Variants in STAB2 observed in about 807,000 individuals in gnomAD.
STAB2 encodes stabilin 2.
In STAB2, 288 loss-of-function variants were observed where a neutral mutation model predicts 338.1. The ratio of observed to expected loss-of-function variants is 0.85; its 90% CI spans 0.77 to 0.94. The LOEUF is 0.94. Ranked by LOEUF, STAB2 falls within the 40% of genes least tolerant of loss-of-function variation. The pLI, the probability that STAB2 is intolerant of heterozygous loss-of-function variation, is 0.00. For missense variants in STAB2, 3,141 were observed against 3,210.1 expected, an observed-to-expected ratio of 0.98 and a Z score of 0.52; for synonymous variants, 1,202 against 1,193.3, an observed-to-expected ratio of 1.01 and a Z score of -0.15.
chr12:103,663,560 C>A (rs1188695423), intron 18 of STAB2, among the ~76,000 whole-genome samples: 2 of 152,044 alleles, frequency 1.3e-5, no homozygotes, highest in African/African-American at 4.8e-5. Context: ...CTTGCCCAAG[C>A]TGGTCTCAAA....
At position 103,758,221 on chromosome 12, in the gene STAB2, C is replaced by G. The variant is rs772824378; in HGVS notation, c.7039C>G (p.His2347Asp). Residue 2347 changes from histidine to aspartate, a missense_variant, in exon 64 of 69, where the codon CAC (histidine) becomes GAC (aspartate). His to Asp is a moderately conservative substitution (Grantham distance 81). Transcript: ENST00000388887. Reference protein sequence around the residue: ...SSARGRAFLEHLTDLSIRGTL... With the variant: ...SSARGRAFLEDLTDLSIRGTL... ...AGCTCGAGGCCGTGCATTTCTAGAA[C>G]ACCTGACTGACCTGTCCATCCGCGG... is the stretch of plus-strand genomic sequence containing the variant. The G allele has an allele frequency of 1.2e-6, 2 of 1,614,166 alleles. No homozygotes were observed. Among genetic ancestry groups the G allele is most frequent in the Admixed American group, 1.7e-5 (1 of 60,028 alleles).
chr12:103,695,818 A>G lies in STAB2; in HGVS notation c.3556A>G (p.Ile1186Val), dbSNP rs772496668. ...APNNNAIENY[I>V]REKKVLSLEE... ...AAACAACAATGCCATCGAGAATTACATCAGGGAGAAGAAAGTCTTGTCTCT... is the reference window on the plus strand; with the variant it reads ...AAACAACAATGCCATCGAGAATTACGTCAGGGAGAAGAAAGTCTTGTCTCT... The change falls in exon 33 of 69, where the codon ATC becomes GTC. Residue 1186 changes from isoleucine to valine, a missense_variant. Physicochemically the swap from Ile to Val is conservative, Grantham distance 29 (BLOSUM62 3). Transcript: ENST00000388887. The G allele has an allele frequency of 5.6e-6, 9 of 1,614,096 alleles. No individual in the cohort carries two copies. Among genetic ancestry groups the G allele is most frequent in the Middle Eastern group, 1.6e-4 (1 of 6,084 alleles).
intron 50 of STAB2, among the ~76,000 whole-genome samples, 164 bp downstream of exon 50, chr12:103,731,799 C>A (rs2139079940): frequency 6.6e-6 from 1 of 152,282 alleles, no homozygotes; most frequent in African/African-American, 2.4e-5. Flanking sequence ...CTCTGCCACT[C>A]CCTTCTTAGA....
chr12:103,635,018 G>A (rs1957521673), intron 6 of STAB2, among the ~76,000 whole-genome samples: 1 of 152,212 alleles, frequency 6.6e-6, no homozygotes, highest in Non-Finnish European at 1.5e-5. Context: ...TTATGGAAGG[G>A]GTGGGGGAAT....
At chr12:103,664,895 C>G (rs1423905310) in intron 18 of STAB2, among the ~76,000 whole-genome samples, 1 of 152,164 alleles carries the variant, frequency 6.6e-6, no homozygotes, top group African/African-American at 2.4e-5. Flanking sequence ...GGTCACTTTC[C>G]TAGCCAGTCC....
In STAB2 at chr12:103,761,409, T is replaced by TG. The variant is rs1566086108; in HGVS notation, c.7359+1dup. On this transcript the variant is annotated frameshift_variant and splice_region_variant, in exon 66 of 69. Coordinates refer to ENST00000388887, the MANE Select transcript of STAB2 (RefSeq NM_017564.10). LOFTEE classifies it high-confidence loss of function. ...CCTTTAAAAGCACCCCCTGCCCCCG[T>TG]GGTGAGTATCTAGGGTCCCTGATAA... 6.2e-7 allele frequency: 1 copy of TG among 1,613,120 alleles called. No homozygotes were observed. Among genetic ancestry groups the TG allele is most frequent in the Non-Finnish European group, 8.5e-7 (1 of 1,179,914 alleles).
At chr12:103,651,244 T>C (rs1018689538) in intron 11 of STAB2, among the ~76,000 whole-genome samples, 3 of 152,102 alleles carry the variant, frequency 2.0e-5, no homozygotes, top group African/African-American at 7.2e-5. Flanking sequence ...GTGTAGGAAC[T>C]GGTATTCTAT....
chr12:103,627,568 G>A (rs540720580), intron 5 of STAB2, among the ~76,000 whole-genome samples: 23 of 152,220 alleles, frequency 1.5e-4, no homozygotes, highest in African/African-American at 1.9e-4. Context: ...TGCCACTTAC[G>A]TCTCCTTCCC....
In STAB2 at chr12:103,655,531, G is replaced by T. The variant is rs758247790; in HGVS notation, c.1684G>T (p.Ala562Ser). 6.2e-7 allele frequency: 1 copy of T among 1,613,934 alleles called. No homozygotes were observed. The highest frequency in any genetic ancestry group is 1.1e-5 in the South Asian group (1 of 91,064). Residue 562 changes from alanine to serine, a missense_variant, in exon 15 of 69, where the codon GCA becomes TCA. Ala to Ser is a moderately conservative substitution (Grantham distance 99). Transcript: ENST00000388887. ...PYTIFVPNNEALNNMKDGTLD... is the reference protein window; with the variant it reads ...PYTIFVPNNESLNNMKDGTLD... ...CACCATTTTTGTTCCAAATAATGAAGCATTGAATAACATGAAGGACGGCAC... is the reference window on the plus strand; with the variant it reads ...CACCATTTTTGTTCCAAATAATGAATCATTGAATAACATGAAGGACGGCAC...
chr12:103,688,237 T>C (rs772295407), intron 28 of STAB2, 22 bp downstream of exon 28: 1 of 1,610,922 alleles, frequency 6.2e-7, no homozygotes. Context: ...TATTGGGACT[T>C]AGGATTGGGA....
At chr12:103,611,116 T>A (rs1371323845) in intron 3 of STAB2, among the ~76,000 whole-genome samples, 3 of 152,232 alleles carry the variant, frequency 2.0e-5, no homozygotes, top group African/African-American at 7.2e-5. Flanking sequence ...AACTATGTGG[T>A]CAATTTTGGA....
chr12:103,637,965 T>C (rs1957575608), intron 7 of STAB2, 51 bp from the exon 8 acceptor site: 3 of 1,569,270 alleles, frequency 1.9e-6, no homozygotes, highest in Non-Finnish European at 2.6e-6. Context: ...TCAGTTTTCC[T>C]TCTCCATCCC....
intron 45 of STAB2, 152 bp from the exon 46 acceptor site, chr12:103,725,964 C>A: frequency 1.6e-6 from 1 of 635,554 alleles, no homozygotes; most frequent in African/African-American, 1.8e-5. Flanking sequence ...TCATTCTGAA[C>A]GTTAATTGTC....
chr12:103,715,952 A>G lies in STAB2; in HGVS notation c.4611+64A>G. The stretch of plus-strand genomic sequence containing the variant: ...AGGGAACTCCTAGGTCTTTAGACAC[A>G]GGCCTGAGAGAAAGAGGCTGAGAAC... On this transcript the variant is annotated intron_variant, in intron 43 of 68. Transcript: ENST00000388887. 1.2e-5 allele frequency: 18 copies of G among 1,544,326 alleles called. No individual in the cohort carries two copies. In the South Asian group the frequency reaches 1.7e-4, roughly 15 times the overall value.
At chr12:103,692,782 T>C in intron 30 of STAB2, 30 bp from the exon 31 acceptor site, 1 of 1,586,938 alleles carries the variant, frequency 6.3e-7, no homozygotes, top group Non-Finnish European at 8.6e-7. Context: ...CTATAAAGAC[T>C]CATCTTCCCA....
intron 38 of STAB2, among the ~76,000 whole-genome samples, chr12:103,707,273 A>G (rs958411788): frequency 6.6e-6 from 1 of 152,270 alleles, no homozygotes; most frequent in African/African-American, 2.4e-5. Flanking sequence ...TATGCACACT[A>G]ATCATCACGG....
At chr12:103,633,723 G>T (rs1451483359) in intron 6 of STAB2, among the ~76,000 whole-genome samples, 5 of 152,154 alleles carry the variant, frequency 3.3e-5, no homozygotes, top group Non-Finnish European at 7.4e-5. Context: ...TGAAAAAGGT[G>T]CTAAGTCCAC....
At chr12:103,627,216 T>G (rs756701958) in intron 5 of STAB2, among the ~76,000 whole-genome samples, 3 of 152,198 alleles carry the variant, frequency 2.0e-5, no homozygotes, top group Non-Finnish European at 4.4e-5. Flanking sequence ...TGCCCCAGTC[T>G]GCCTCTGGTG....
chr12:103,754,945 CAAA>C (rs755475468), intron 61 of STAB2: 89 of 159,214 alleles, frequency 5.6e-4, no homozygotes, highest in South Asian at 1.8e-3. Context: ...GACTCCACCT[CAAA>C]AAAAAAAAAA....
Sources: gnomAD v4.1 joint callset for allele counts (sites outside exome capture counted in the v4.1 genomes callset) on GRCh38, gnomAD v4.1.1 for gene constraint, MANE v1.5 for transcripts, NCBI Gene and HGNC (gene_info 2026-07-23, HGNC 2026-07-21) for gene names.